The following PLCL1 variants were observed in gnomAD, a reference collection of about 807,000 sequenced individuals.
PLCL1 encodes the protein phospholipase C like 1 (inactive), also known as inactive phospholipase C-like protein 1.
A neutral mutation model predicts 84.4 loss-of-function variants in PLCL1; 41 were observed. The observed-to-expected ratio is 0.49, with a 90% CI of 0.38 to 0.63. The LOEUF (loss-of-function observed/expected upper bound fraction) is 0.63, where lower values mean the gene tolerates loss of function less well. PLCL1 is among the 30% of genes least tolerant of loss of function. The pLI, the probability that PLCL1 is intolerant of heterozygous loss-of-function variation, is 0.00. For synonymous variants in PLCL1, 490 were observed against 488.3 expected, an observed-to-expected ratio of 1.00 and a Z score of -0.05; for missense variants, 1,206 against 1,367.8, an observed-to-expected ratio of 0.88 and a Z score of 1.87.
chr2:198,026,843 A>C (rs1691278017), intron 1 of PLCL1, among the ~76,000 whole-genome samples: 1 of 152,212 alleles, frequency 6.6e-6, no homozygotes, highest in South Asian at 2.1e-4. Flanking sequence ...TAGAATGGCT[A>C]ATATAGAAAA....
chr2:198,067,024 G>A (rs1487629783), intron 1 of PLCL1, among the ~76,000 whole-genome samples: 2 of 151,928 alleles, frequency 1.3e-5, no homozygotes, highest in African/African-American at 2.4e-5. Flanking sequence ...ATCCAGCTCA[G>A]TGCTTGACAC....
intron 1 of PLCL1, among the ~76,000 whole-genome samples, chr2:198,034,111 C>T (rs535125142): frequency 6.6e-6 from 1 of 152,206 alleles, no homozygotes; most frequent in East Asian, 1.9e-4. Flanking sequence ...TCGTCATTTA[C>T]GTTAGGTATA....
rs558973603 is a variant in PLCL1 at position 198,085,539 on chromosome 2, G to T, written c.2022G>T (p.Pro674=). ...TTGTAGCAATGAATTTTCAGACTCC[G>T]GGTCCAATGATGGACCTTCACACGG... ...CQIVAMNFQT[P]GPMMDLHTGW... Residue 674 remains proline (P), a synonymous_variant, in exon 2 of 6, where the codon CCG becomes CCT. Transcript: ENST00000428675. The surrounding 1 kb of genome is among the most constrained non-coding windows in gnomAD (Gnocchi z 5.3). 1 of 1,613,734 alleles carries T rather than the reference G, an allele frequency of 6.2e-7. No individual in the cohort carries two copies.
Position 198,042,244 on chromosome 2 carries a change from C to T in PLCL1, c.241-41514C>T, listed in dbSNP as rs577084711. Among the ~76,000 whole-genome samples, 9 of 152,308 alleles carry T rather than the reference C, an allele frequency of 5.9e-5. No homozygotes were observed. In the South Asian group the frequency reaches 1.9e-3, roughly 32 times the overall value. On this transcript the variant is annotated intron_variant, in intron 1 of 5. Transcript: ENST00000428675. The stretch of plus-strand genomic sequence containing the variant: ...AGGAAAAGGCAAAGAGTTATTGTTT[C>T]TGATACTGCTGAACTGCTAAACCCA...
At chr2:198,111,808 A>G (rs1207817115) in intron 5 of PLCL1, among the ~76,000 whole-genome samples, 1 of 151,890 alleles carries the variant, frequency 6.6e-6, no homozygotes, top group Non-Finnish European at 1.5e-5. Context: ...TACTGACAGC[A>G]CCATAATAGT....
At chr2:198,049,550 T>C (rs889422212) in intron 1 of PLCL1, among the ~76,000 whole-genome samples, 15 of 152,276 alleles carry the variant, frequency 9.9e-5, no homozygotes, top group African/African-American at 3.6e-4. Flanking sequence ...AGATTTTCAA[T>C]ATAGCTTAAC....
At chr2:198,100,135 A>G (rs1187362747) in intron 3 of PLCL1, among the ~76,000 whole-genome samples, 2 of 152,146 alleles carry the variant, frequency 1.3e-5, no homozygotes, top group East Asian at 1.9e-4. Context: ...GACAGAGAGA[A>G]GAAATAAGTA....
rs45457696 is a variant in PLCL1, at chr2:198,088,989, C to T, written c.2847C>T (p.Asp949=). The part of the protein sequence containing the change: ...NTPSVSLVMK[D]SFPYLEPLGA... Reference sequence around the variant, plus strand: ...CTTCAGTCTCACTTGTGATGAAAGACAGCTTTCCTTACCTGGAGCCTCTGG... The same window carrying T: ...CTTCAGTCTCACTTGTGATGAAAGATAGCTTTCCTTACCTGGAGCCTCTGG... Residue 949 remains aspartate (D), a synonymous_variant, in exon 3 of 6, where the codon GAC becomes GAT. Transcript: ENST00000428675. 15 of 1,613,848 alleles carry T rather than the reference C, an allele frequency of 9.3e-6. No homozygotes were observed. Among genetic ancestry groups the T allele is most frequent in the Non-Finnish European group, 1.3e-5 (15 of 1,179,732 alleles).
chr2:198,129,808 A>C (rs1694076889), intron 5 of PLCL1, among the ~76,000 whole-genome samples: 1 of 151,860 alleles, frequency 6.6e-6, no homozygotes, highest in African/African-American at 2.4e-5. Context: ...TGCCGAATCC[A>C]CTTCCTTACC....
chr2:198,049,206 A>T (rs1019952257), intron 1 of PLCL1, among the ~76,000 whole-genome samples: 1 of 152,236 alleles, frequency 6.6e-6, no homozygotes, highest in East Asian at 1.9e-4. Context: ...CTCTGCTCCA[A>T]GTTGCAACTG....
intron 1 of PLCL1, among the ~76,000 whole-genome samples, chr2:197,882,723 AT>A (rs1687852957): frequency 6.6e-6 from 1 of 152,212 alleles, no homozygotes; most frequent in South Asian, 2.1e-4. Context: ...CACTAAAAGT[AT>A]TTGGTAAGAC....
intron 1 of PLCL1, among the ~76,000 whole-genome samples, chr2:197,941,533 C>A (rs1258861033): frequency 6.6e-6 from 1 of 152,168 alleles, no homozygotes; most frequent in East Asian, 1.9e-4. Flanking sequence ...TCAAGCAATC[C>A]TCCTATCTTC....
chr2:197,866,074 ATATATATATATATAAAC>A (rs1450349144), intron 1 of PLCL1, among the ~76,000 whole-genome samples: 39 of 79,622 alleles, frequency 4.9e-4, no homozygotes, highest in South Asian at 8.5e-4. Flanking sequence ...CACACTATAT[ATATATATATATATAAAC>A]TATATATATA....
chr2:198,023,896 G>A (rs1691199210), intron 1 of PLCL1, among the ~76,000 whole-genome samples: 1 of 152,018 alleles, frequency 6.6e-6, no homozygotes, highest in Non-Finnish European at 1.5e-5. Context: ...CCCATTTCTG[G>A]GTATATACCC....
chr2:198,020,151 G>A (rs576746292), intron 1 of PLCL1, among the ~76,000 whole-genome samples: 40 of 152,320 alleles, frequency 2.6e-4, no homozygotes, highest in African/African-American at 8.7e-4. Context: ...CTTTATAAGT[G>A]AAGGAGAAAT....
chr2:197,856,214 A>T (rs1280327393), intron 1 of PLCL1, among the ~76,000 whole-genome samples: 1 of 152,214 alleles, frequency 6.6e-6, no homozygotes, highest in African/African-American at 2.4e-5. Context: ...GACTACTTAG[A>T]GGTCCAGCCC....
intron 1 of PLCL1, among the ~76,000 whole-genome samples, chr2:198,054,699 T>A (rs1036498829): frequency 1.3e-5 from 2 of 152,222 alleles, no homozygotes; most frequent in Non-Finnish European, 2.9e-5. Flanking sequence ...GACTTCCAAA[T>A]GGCCAGCAAA....
At chr2:197,912,240 T>C (rs1688496341) in intron 1 of PLCL1, among the ~76,000 whole-genome samples, 1 of 151,792 alleles carries the variant, frequency 6.6e-6, no homozygotes, top group Non-Finnish European at 1.5e-5. Flanking sequence ...AAAACCACAA[T>C]GAGATACCAT....
chr2:198,063,233 A>G (rs936218127), intron 1 of PLCL1, among the ~76,000 whole-genome samples: 23 of 150,284 alleles, frequency 1.5e-4, no homozygotes, highest in African/African-American at 5.5e-4. Flanking sequence ...TCATACATAT[A>G]TATTATGCTT....
Sources: gnomAD v4.1 joint callset for allele counts (sites outside exome capture counted in the v4.1 genomes callset) on GRCh38, gnomAD v4.1.1 for gene constraint, Gnocchi (gnomAD v3.1) non-coding constraint, MANE v1.5 for transcripts, NCBI Gene and HGNC (gene_info 2026-07-23, HGNC 2026-07-21) for gene names.